Variants in CD44 observed in about 807,000 individuals in gnomAD.
CD44 encodes the protein CD44 antigen.
CD44 carries 49 observed loss-of-function variants against 88.8 expected under a neutral mutation model. That is an observed-to-expected ratio of 0.55 (90% CI 0.44 to 0.70). The LOEUF is 0.70. Ranked by LOEUF, CD44 falls within the 30% of genes least tolerant of loss-of-function variation. The pLI is 0.00. For missense variants in CD44, 883 were observed against 913.8 expected, an observed-to-expected ratio of 0.97 and a Z score of 0.43; for synonymous variants, 325 against 312.3, an observed-to-expected ratio of 1.04 and a Z score of -0.43.
chr11:35,176,362 G>C (rs1412512573), intron 1 of CD44, among the ~76,000 whole-genome samples: 1 of 149,972 alleles, frequency 6.7e-6, no homozygotes, highest in Non-Finnish European at 1.5e-5. Flanking sequence ...ATTTTTAGTA[G>C]AGACGGGGTT....
chr11:35,174,770 G>A (rs1037849479), intron 1 of CD44, among the ~76,000 whole-genome samples: 3 of 152,202 alleles, frequency 2.0e-5, no homozygotes, highest in Non-Finnish European at 4.4e-5. Flanking sequence ...TATTAAAAGT[G>A]TGTTTCTGAG....
chr11:35,180,917 A>G (rs1181268946), intron 3 of CD44, among the ~76,000 whole-genome samples: 2 of 152,332 alleles, frequency 1.3e-5, no homozygotes, highest in Admixed American at 6.5e-5. Context: ...AATGAGTGCT[A>G]GGGATGCTTT....
rs144898660 is a variant in CD44, at chr11:35,211,467, A to T, written c.1810+18A>T. On this transcript the variant is annotated intron_variant, in intron 14 of 17. Coordinates refer to ENST00000428726, the MANE Select transcript of CD44 (RefSeq NM_000610.4). ...CTTATCAGGTAATTTGGCATTTATT[A>T]TCTAGTTTGCTTTCTCTATATAGAG... 10 of 1,587,108 alleles carry T rather than the reference A, an allele frequency of 6.3e-6. No individual in the cohort carries two copies. The highest frequency in any genetic ancestry group is 8.7e-6 in the Non-Finnish European group (10 of 1,155,640).
At chr11:35,172,760 A>T (rs1160171336) in intron 1 of CD44, among the ~76,000 whole-genome samples, 1 of 152,134 alleles carries the variant, frequency 6.6e-6, no homozygotes, top group Non-Finnish European at 1.5e-5. Context: ...GCTCTGAGAG[A>T]GGATCTTTTC....
chr11:35,219,925 G>A (rs1029824012), intron 16 of CD44, among the ~76,000 whole-genome samples: 3 of 152,212 alleles, frequency 2.0e-5, no homozygotes, highest in Non-Finnish European at 2.9e-5. Flanking sequence ...CAGAAAGTAT[G>A]CATGTGCAGT....
intron 5 of CD44, among the ~76,000 whole-genome samples, chr11:35,193,990 C>G (rs1946506197): frequency 6.6e-6 from 1 of 152,156 alleles, no homozygotes; most frequent in Non-Finnish European, 1.5e-5. Context: ...TACCTGGGTA[C>G]AATGCTAGAC....
At chr11:35,173,476 T>C (rs534107819) in intron 1 of CD44, among the ~76,000 whole-genome samples, 28 of 152,218 alleles carry the variant, frequency 1.8e-4, no homozygotes, top group Non-Finnish European at 3.7e-4. Context: ...CATGAGTGGC[T>C]TAAGAGAACA....
chr11:35,196,894 T>C lies in CD44; in HGVS notation c.796+20T>C. 1 of 1,609,870 alleles carries C rather than the reference T, an allele frequency of 6.2e-7. No homozygotes were observed. The highest frequency in any genetic ancestry group is 1.1e-5 in the South Asian group (1 of 90,726). ...TGGCTGGTAATGAGTTATTATTATC[T>C]CATAGCGTATGTTTTCTTGACAGCC... is the stretch of plus-strand genomic sequence containing the variant. On this transcript the variant is annotated intron_variant, in intron 6 of 17. Transcript: ENST00000428726.
intron 10 of CD44, among the ~76,000 whole-genome samples, chr11:35,205,164 A>T (rs898057468): frequency 6.6e-6 from 1 of 152,204 alleles, no homozygotes; most frequent in Admixed American, 6.5e-5. Context: ...TAAAAAAGGT[A>T]TCTTCTCTAT....
At chr11:35,213,245 A>T (rs1048090924) in intron 14 of CD44, among the ~76,000 whole-genome samples, 2 of 152,180 alleles carry the variant, frequency 1.3e-5, no homozygotes, top group Non-Finnish European at 2.9e-5. Flanking sequence ...ATTCTTTCTG[A>T]TTTCCACAGT....
intron 17 of CD44, among the ~76,000 whole-genome samples, chr11:35,222,206 A>T (rs1182397357): frequency 6.6e-6 from 1 of 152,182 alleles, no homozygotes; most frequent in South Asian, 2.1e-4. Flanking sequence ...TCAGTGATTC[A>T]TCATCCCCTG....
In CD44 at chr11:35,180,411, G is replaced by A. The variant is rs200679456; in HGVS notation, c.367+4G>A. On this transcript the variant is annotated splice_donor_region_variant and intron_variant, in intron 3 of 17. Coordinates refer to ENST00000428726, the MANE Select transcript of CD44 (RefSeq NM_000610.4). Reference sequence around the variant, plus strand: ...ACATATTGCTTCAATGCTTCAGGTTGGTTCTCAGGGGGGTGTCTGTTGGCG... The same window carrying A: ...ACATATTGCTTCAATGCTTCAGGTTAGTTCTCAGGGGGGTGTCTGTTGGCG... 1.6e-3 allele frequency: 2,502 copies of A among 1,614,024 alleles called. 50 individuals carry two copies. The South Asian group carries it at 0.026, about 17-fold the overall frequency.
At chr11:35,161,452 C>G (rs1354126324) in intron 1 of CD44, among the ~76,000 whole-genome samples, 1 of 152,112 alleles carries the variant, frequency 6.6e-6, no homozygotes, top group African/African-American at 2.4e-5. Flanking sequence ...TTGCAATCAC[C>G]AGTTACCAGC....
chr11:35,221,187 T>C (rs1949267661), intron 16 of CD44, among the ~76,000 whole-genome samples: 2 of 152,346 alleles, frequency 1.3e-5, no homozygotes, highest in South Asian at 2.1e-4. Context: ...CATATTGTAG[T>C]GCGTAATGCA....
chr11:35,224,710 G>A (rs990332337), intron 17 of CD44, among the ~76,000 whole-genome samples: 1 of 152,130 alleles, frequency 6.6e-6, no homozygotes, highest in Non-Finnish European at 1.5e-5. Context: ...TACAGCCTGG[G>A]CAACAGAGTG....
intron 1 of CD44, among the ~76,000 whole-genome samples, chr11:35,167,670 C>T (rs1288860314): frequency 6.6e-6 from 1 of 152,218 alleles, no homozygotes; most frequent in African/African-American, 2.4e-5. Context: ...GGAGCTCAAT[C>T]ACTTTGGGTG....
At chr11:35,192,770 G>A (rs1946386847) in intron 5 of CD44, among the ~76,000 whole-genome samples, 1 of 148,742 alleles carries the variant, frequency 6.7e-6, no homozygotes, top group African/African-American at 2.5e-5. Flanking sequence ...CTTGTCTTCT[G>A]GGTGTCAAAG....
intron 2 of CD44, among the ~76,000 whole-genome samples, chr11:35,177,287 C>A (rs1444474648): frequency 6.6e-6 from 1 of 152,026 alleles, no homozygotes; most frequent in African/African-American, 2.4e-5. Context: ...TTTTTGGGAG[C>A]CCTGAGAGGG....
In CD44 at chr11:35,218,043, C is replaced by T. The variant is rs1204697067; in HGVS notation, c.1874-1273C>T. The stretch of plus-strand genomic sequence containing the variant: ...ACTCAAGAGATCCTCCTGTCTCAGC[C>T]TCCCAAAGTGCTGGGATTACAGGTG... On this transcript the variant is annotated intron_variant, in intron 15 of 17. Coordinates refer to ENST00000428726, the MANE Select transcript of CD44 (RefSeq NM_000610.4). Among the ~76,000 whole-genome samples, 7 of 152,264 alleles carry T rather than the reference C, an allele frequency of 4.6e-5. No homozygotes were observed. The East Asian group carries it at 1.2e-3, about 25-fold the overall frequency.
Sources: allele counts gnomAD v4.1 joint callset (sites outside exome capture counted in the v4.1 genomes callset), GRCh38; gene constraint gnomAD v4.1.1; transcripts MANE v1.5; gene names NCBI Gene and HGNC (gene_info 2026-07-23, HGNC 2026-07-21).